ADAMTSL1: variants seen among roughly 807,000 people sequenced by gnomAD.
ADAMTSL1 encodes ADAMTS like 1.
In ADAMTSL1, 126 loss-of-function variants were observed where a neutral mutation model predicts 201.8. That is an observed-to-expected ratio of 0.62 (90% CI 0.54 to 0.72). ADAMTSL1 has a LOEUF of 0.72. Ranked by LOEUF, ADAMTSL1 falls within the 30% of genes least tolerant of loss-of-function variation. The probability of loss-of-function intolerance (pLI) is 0.00; values close to 1 mark genes in which losing one functional copy is unlikely to be tolerated. For synonymous variants in ADAMTSL1, 1,121 were observed against 903.4 expected, an observed-to-expected ratio of 1.24 and a Z score of -4.32; for missense variants, 2,679 against 2,277.8, an observed-to-expected ratio of 1.18 and a Z score of -3.59.
chr9:18,379,457 T>C (rs7874811), intron 2 of ADAMTSL1, among the ~76,000 whole-genome samples: 145,158 of 152,280 alleles, frequency 0.95, 69,501 homozygotes, highest in East Asian at 1. Context: ...CTGTTTTTGC[T>C]ATTGCCCAGT....
At chr9:18,288,363 G>T (rs1833109024) in intron 2 of ADAMTSL1, among the ~76,000 whole-genome samples, 1 of 152,084 alleles carries the variant, frequency 6.6e-6, no homozygotes, top group South Asian at 2.1e-4. Context: ...ATATTTTTCT[G>T]TTTGCTTGTT....
intron 1 of ADAMTSL1, among the ~76,000 whole-genome samples, chr9:17,942,623 A>G (rs1827286814): frequency 2.0e-5 from 3 of 152,168 alleles, no homozygotes; most frequent in South Asian, 2.1e-4. Context: ...CAAAATATCA[A>G]TACCAACCTG....
At chr9:18,075,543 T>C (rs1002197597) in intron 1 of ADAMTSL1, among the ~76,000 whole-genome samples, 5 of 151,348 alleles carry the variant, frequency 3.3e-5, no homozygotes, top group Non-Finnish European at 1.5e-5. Context: ...TAAAAGTCAA[T>C]TTCATTACTT....
At chr9:18,082,104 T>G (rs542791361) in intron 1 of ADAMTSL1, among the ~76,000 whole-genome samples, 29 of 152,380 alleles carry the variant, frequency 1.9e-4, no homozygotes, top group African/African-American at 6.5e-4. Flanking sequence ...AATAAGCTCA[T>G]TTTCAACTGT....
intron 1 of ADAMTSL1, among the ~76,000 whole-genome samples, chr9:18,047,781 C>T (rs150132724): frequency 6.0e-4 from 91 of 152,234 alleles, no homozygotes; most frequent in African/African-American, 2.0e-3. Flanking sequence ...GCTCAGTTAG[C>T]GTTAATACTG....
intron 2 of ADAMTSL1, among the ~76,000 whole-genome samples, chr9:18,214,302 A>G (rs890641026): frequency 1.3e-5 from 2 of 152,202 alleles, no homozygotes; most frequent in Admixed American, 1.3e-4. Flanking sequence ...AAATTCAAAT[A>G]CAGTTTATTT....
chr9:18,028,274 T>A (rs986514022), intron 1 of ADAMTSL1, among the ~76,000 whole-genome samples: 5 of 152,156 alleles, frequency 3.3e-5, no homozygotes, highest in Middle Eastern at 3.2e-3. Context: ...AGTGTGTTTT[T>A]GAAGTAGCAG....
At chr9:18,160,778 C>G (rs1054664974) in intron 1 of ADAMTSL1, among the ~76,000 whole-genome samples, 1 of 151,224 alleles carries the variant, frequency 6.6e-6, no homozygotes, top group Non-Finnish European at 1.5e-5. Context: ...CTGCCAGGCT[C>G]AAGCAATCCT....
At chr9:18,796,181 T>C (rs186360295) in intron 20 of ADAMTSL1, among the ~76,000 whole-genome samples, 2 of 152,306 alleles carry the variant, frequency 1.3e-5, no homozygotes, top group Admixed American at 1.3e-4. Context: ...CCTCTTTGCA[T>C]AGGACAAACC....
At chr9:18,730,811 A>G (rs1818173705) in intron 15 of ADAMTSL1, among the ~76,000 whole-genome samples, 1 of 152,204 alleles carries the variant, frequency 6.6e-6, no homozygotes, top group African/African-American at 2.4e-5. Flanking sequence ...GGAACAGCTG[A>G]AAGTGGTGTC....
chr9:18,817,008 G>A (rs1823900212), intron 20 of ADAMTSL1, 101 bp from the exon 21 acceptor site: 2 of 1,449,868 alleles, frequency 1.4e-6, no homozygotes, highest in East Asian at 2.4e-5. Context: ...AAAAGTCTGG[G>A]TAGACCAGCC....
chr9:18,506,915 A>T (rs979118873), intron 2 of ADAMTSL1, among the ~76,000 whole-genome samples: 1 of 152,184 alleles, frequency 6.6e-6, no homozygotes, highest in East Asian at 1.9e-4. Context: ...AATATAAAGA[A>T]ATATTAGTTT....
At chr9:18,085,613 G>GTA (rs1364431841) in intron 1 of ADAMTSL1, among the ~76,000 whole-genome samples, 1 of 149,420 alleles carries the variant, frequency 6.7e-6, no homozygotes, top group Non-Finnish European at 1.5e-5. Context: ...CACTGTGTGT[G>GTA]TATACGTATA....
chr9:17,953,225 A>G (rs186484158), intron 1 of ADAMTSL1, among the ~76,000 whole-genome samples: 3 of 152,276 alleles, frequency 2.0e-5, no homozygotes, highest in East Asian at 3.9e-4. Context: ...TGTTGATGCT[A>G]CAACCCTTAA....
chr9:18,469,687 C>T (rs935638802), upstream of ADAMTSL1, among the ~76,000 whole-genome samples: 1 of 152,242 alleles, frequency 6.6e-6, no homozygotes, highest in African/African-American at 2.4e-5. Context: ...ATGCCTGCCT[C>T]TTGACACCTG....
At chr9:18,311,294 G>T (rs1396798603) in intron 2 of ADAMTSL1, among the ~76,000 whole-genome samples, 1 of 151,874 alleles carries the variant, frequency 6.6e-6, no homozygotes, top group African/African-American at 2.4e-5. Context: ...CACAGTGTGT[G>T]TATACCTATG....
At chr9:18,321,285 C>A (rs571530844) in intron 2 of ADAMTSL1, among the ~76,000 whole-genome samples, 133 of 152,032 alleles carry the variant, frequency 8.7e-4, no homozygotes, top group African/African-American at 3.1e-3. Context: ...AACTTAGTAA[C>A]AAAATTTAAC....
Position 18,753,572 on chromosome 9 carries a change from C to T in ADAMTSL1, c.2217+64C>T, listed in dbSNP as rs1819585512. The stretch of plus-strand genomic sequence containing the variant: ...GCAACAGTGACTCAAAAAAGGGATG[C>T]TCTCTCAGAGTGGTTTTGTCCAGGG... On this transcript the variant is annotated intron_variant, in intron 16 of 28. Transcript: ENST00000380548. 8 of 1,529,214 alleles carry T rather than the reference C, an allele frequency of 5.2e-6. No homozygotes were observed. The South Asian group carries it at 8.3e-5, about 16-fold the overall frequency. 94.7% of individuals were successfully genotyped at this position (1,529,214 alleles called of 1,614,324 possible).
intron 2 of ADAMTSL1, among the ~76,000 whole-genome samples, chr9:18,251,514 A>G (rs974235384): frequency 1.3e-5 from 2 of 152,222 alleles, no homozygotes; most frequent in African/African-American, 4.8e-5. Flanking sequence ...TGACAGTATT[A>G]TAAATGCTTA....
Sources: allele counts gnomAD v4.1 joint callset (sites outside exome capture counted in the v4.1 genomes callset), GRCh38; gene constraint gnomAD v4.1.1; transcripts MANE v1.5; gene names NCBI Gene and HGNC (gene_info 2026-07-23, HGNC 2026-07-21).